Variants in RSRC1 observed in about 807,000 individuals in gnomAD.
RSRC1 encodes serine/Arginine-related protein 53.
Under a neutral mutation model 49.1 loss-of-function variants are expected in RSRC1, and 39 were observed. The observed-to-expected ratio is 0.79, with a 90% CI of 0.61 to 1.04. RSRC1 has a LOEUF of 1.04. Among genes scored for constraint, RSRC1 ranks in the 50% least tolerant of loss-of-function variants. RSRC1 has a pLI of 0.00. For missense variants in RSRC1, 388 were observed against 402.4 expected (o/e 0.96, Z 0.31); for synonymous variants, 143 against 130.8 (o/e 1.09, Z -0.63).
chr3:158,516,692 A>G (rs990481084), intron 7 of RSRC1, among the ~76,000 whole-genome samples: 2 of 152,158 alleles, frequency 1.3e-5, no homozygotes, highest in African/African-American at 4.8e-5. Flanking sequence ...CCCCTTCCCC[A>G]GCCTCGTTGC....
At chr3:158,431,949 A>G (rs1735789577) in intron 6 of RSRC1, among the ~76,000 whole-genome samples, 1 of 151,994 alleles carries the variant, frequency 6.6e-6, no homozygotes. Context: ...TTGCTTTTTC[A>G]TCATTTCCAG....
chr3:158,331,668 A>C (rs1195984900), intron 5 of RSRC1, among the ~76,000 whole-genome samples: 1 of 152,092 alleles, frequency 6.6e-6, no homozygotes, highest in South Asian at 2.1e-4. Flanking sequence ...ATTAAGTATC[A>C]GTATTTCATA....
intron 6 of RSRC1, among the ~76,000 whole-genome samples, chr3:158,392,867 C>T (rs2108296445): frequency 6.6e-6 from 1 of 152,172 alleles, no homozygotes; most frequent in South Asian, 2.1e-4. Context: ...CTAAAAACAA[C>T]CAAATATACA....
intron 1 of RSRC1, among the ~76,000 whole-genome samples, chr3:158,113,220 A>G (rs535213194): frequency 1.3e-5 from 2 of 152,268 alleles, no homozygotes; most frequent in East Asian, 3.9e-4. Flanking sequence ...GAATCACCAC[A>G]CTGCTGATTC....
intron 7 of RSRC1, among the ~76,000 whole-genome samples, chr3:158,518,148 A>ATTTT (rs72132266): frequency 0.01 from 443 of 44,124 alleles, 39 homozygotes; most frequent in African/African-American, 0.027. Context: ...ATATATATAT[A>ATTTT]TTTTTTTTTT....
chr3:158,199,145 A>G (rs1055102047), intron 3 of RSRC1, among the ~76,000 whole-genome samples: 1 of 152,134 alleles, frequency 6.6e-6, no homozygotes, highest in African/African-American at 2.4e-5. Flanking sequence ...GTTTCTCTGC[A>G]CAAGCTCTTT....
At chr3:158,430,069 A>T (rs1735694157) in intron 6 of RSRC1, among the ~76,000 whole-genome samples, 1 of 88,992 alleles carries the variant, frequency 1.1e-5, no homozygotes, top group African/African-American at 4.9e-5. Flanking sequence ...AAAACCACAC[A>T]CACAAAAAAA....
At position 158,487,949 on chromosome 3, in the gene RSRC1, G is replaced by GAAAAAAAAAAAAAAAA. The variant is rs58689210; in HGVS notation, c.652+26956_652+26971dup. On this transcript the variant is annotated intron_variant, in intron 7 of 9. Transcript: ENST00000611884. ...TAGGAGACAAGAGACTCCATCTCAA[G>GAAAAAAAAAAAAAAAA]AAAAAAAAAAAAAAAAAAAAAAAAA... 5.2e-4 allele frequency among the ~76,000 whole-genome samples: 15 copies of GAAAAAAAAAAAAAAAA among 28,916 alleles called. 1 individual carries two copies. Among genetic ancestry groups the GAAAAAAAAAAAAAAAA allele is most frequent in the African/African-American group, 6.7e-4 (5 of 7,484 alleles). 19.0% of individuals were successfully genotyped at this position (28,916 alleles called of 152,430 possible). A position where few individuals can be genotyped will look rare whatever the true frequency, so the allele number is the denominator to read the frequency against.
intron 3 of RSRC1, among the ~76,000 whole-genome samples, chr3:158,183,164 T>C (rs1436875011): frequency 1.3e-5 from 2 of 152,102 alleles, no homozygotes; most frequent in East Asian, 1.9e-4. Flanking sequence ...GAAAATAAAC[T>C]TACCTTCTAT....
chr3:158,422,427 C>G (rs565313034), intron 6 of RSRC1, among the ~76,000 whole-genome samples: 158 of 151,444 alleles, frequency 1.0e-3, no homozygotes, highest in African/African-American at 3.4e-3. Flanking sequence ...ATGGCTGCAT[C>G]GTATTCCATG....
At chr3:158,359,723 T>A (rs1027498716) in intron 6 of RSRC1, among the ~76,000 whole-genome samples, 4 of 152,194 alleles carry the variant, frequency 2.6e-5, no homozygotes, top group African/African-American at 9.6e-5. Context: ...TCCTTCTCTT[T>A]GCCTGCAACA....
intron 7 of RSRC1, among the ~76,000 whole-genome samples, chr3:158,465,926 T>G (rs1171379365): frequency 6.6e-6 from 1 of 152,184 alleles, no homozygotes; most frequent in Non-Finnish European, 1.5e-5. Context: ...AAGTTCTTAT[T>G]TAGTAAAGAA....
chr3:158,320,112 T>G (rs567069745), intron 5 of RSRC1, among the ~76,000 whole-genome samples: 177 of 152,344 alleles, frequency 1.2e-3, no homozygotes, highest in South Asian at 2.1e-3. Context: ...TGTTGAAGTT[T>G]ACATAATGTC....
At chr3:158,347,078 G>GA (rs1326641375) in intron 5 of RSRC1, among the ~76,000 whole-genome samples, 13 of 152,106 alleles carry the variant, frequency 8.5e-5, no homozygotes, top group Non-Finnish European at 1.6e-4. Flanking sequence ...AATGTTTTAG[G>GA]AAAAATAGGA....
intron 4 of RSRC1, among the ~76,000 whole-genome samples, chr3:158,229,380 G>GTA (rs1210853464): frequency 3.1e-5 from 3 of 97,844 alleles, no homozygotes; most frequent in African/African-American, 9.9e-5. Context: ...ATATGTGTAT[G>GTA]TATGTGTATA....
At chr3:158,178,680 T>A (rs1400058258) in intron 3 of RSRC1, among the ~76,000 whole-genome samples, 1 of 152,186 alleles carries the variant, frequency 6.6e-6, no homozygotes, top group Non-Finnish European at 1.5e-5. Flanking sequence ...CTTTTCTAGC[T>A]CTGTAGACAT....
intron 6 of RSRC1, among the ~76,000 whole-genome samples, chr3:158,442,890 G>C (rs548344421): frequency 1.3e-5 from 2 of 152,102 alleles, no homozygotes; most frequent in Non-Finnish European, 2.9e-5. Flanking sequence ...GTTAGCAGGC[G>C]TGAAAACAGC....
rs147609846 is a variant in RSRC1, at chr3:158,405,369, G to T, written c.583+50461G>T. Reference sequence around the variant, plus strand: ...CCCTTCTCCCCCAACATTGGTGCCTGTGTGAATTCTGTTAATTTTATGAAC... The same window carrying T: ...CCCTTCTCCCCCAACATTGGTGCCTTTGTGAATTCTGTTAATTTTATGAAC... On this transcript the variant is annotated intron_variant, in intron 6 of 9. Coordinates refer to ENST00000611884, the MANE Select transcript of RSRC1 (RefSeq NM_001271838.2). Among the ~76,000 whole-genome samples the T allele has an allele frequency of 1.6e-3, 242 of 152,174 alleles. 3 individuals carry two copies. Among genetic ancestry groups the T allele is most frequent in the African/African-American group, 5.5e-3 (230 of 41,556 alleles).
chr3:158,516,630 G>T (rs6776507), intron 7 of RSRC1, among the ~76,000 whole-genome samples: 1 of 151,944 alleles, frequency 6.6e-6, no homozygotes. Flanking sequence ...CCACCCGGTT[G>T]GAGCTTCCCG....
Sources: allele counts gnomAD v4.1 joint callset (sites outside exome capture counted in the v4.1 genomes callset), GRCh38; gene constraint gnomAD v4.1.1; transcripts MANE v1.5; gene names NCBI Gene and HGNC (gene_info 2026-07-23, HGNC 2026-07-21).